The following PACS2 variants were observed in gnomAD, a reference collection of about 807,000 sequenced individuals.
The protein encoded by PACS2 is PACS1-like protein.
A neutral mutation model predicts 113.0 loss-of-function variants in PACS2; 36 were observed. That is an observed-to-expected ratio of 0.32 (90% CI 0.24 to 0.42). The LOEUF (loss-of-function observed/expected upper bound fraction) is 0.42. PACS2 is among the 10% of genes least tolerant of loss of function. The pLI, the probability that PACS2 is intolerant of heterozygous loss-of-function variation, is 1.00. For synonymous variants in PACS2, 589 were observed against 536.1 expected, an observed-to-expected ratio of 1.10 and a Z score of -1.36; for missense variants, 1,015 against 1,239.5, an observed-to-expected ratio of 0.82 and a Z score of 2.72.
In PACS2 at chr14:105,394,666, C is replaced by T. The variant is rs782250643; in HGVS notation, c.2709C>T (p.Thr903=). 23 of 1,607,522 alleles carry T rather than the reference C, an allele frequency of 1.4e-5. No homozygotes were observed. In the South Asian group the frequency reaches 2.4e-4, roughly 17 times the overall value. Residue 903 remains threonine (T), a synonymous_variant, in exon 25 of 25, where the codon ACC becomes ACT. Coordinates refer to ENST00000447393, the MANE Select transcript of PACS2 (RefSeq NM_001100913.3). Reference sequence around the variant, plus strand: ...GCATCTTCGGACACTCCAAGGCCACCTTCTAGCCCCACCCACCAGGGGGCC... The same window carrying T: ...GCATCTTCGGACACTCCAAGGCCACTTTCTAGCCCCACCCACCAGGGGGCC... ...PICIFGHSKA[T]F is the part of the protein sequence containing the mutation.
chr14:105,337,928 G>A (rs1555400871), intron 1 of PACS2, among the ~76,000 whole-genome samples: 1 of 152,214 alleles, frequency 6.6e-6, no homozygotes, highest in Non-Finnish European at 1.5e-5. Context: ...ACCCCCAGGG[G>A]CAGCAGCGTC....
chr14:105,373,039 G>T (rs2061214068), intron 8 of PACS2: 1 of 152,088 alleles, frequency 6.6e-6, no homozygotes, highest in Non-Finnish European at 1.5e-5. Flanking sequence ...AAATGAGTAA[G>T]ACTCATACAG....
chr14:105,362,416 CAA>C (rs1157752286), intron 4 of PACS2, among the ~76,000 whole-genome samples: 14 of 68,086 alleles, frequency 2.1e-4, no homozygotes, highest in Admixed American at 5.0e-4. Flanking sequence ...GACTCCGTCT[CAA>C]AAAAAAAAAA....
rs28697572 is a variant in PACS2, at chr14:105,356,827, T to G, written c.423+1650T>G. Among the ~76,000 whole-genome samples the G allele has an allele frequency of 7.6e-4, 104 of 136,522 alleles. No individual in the cohort carries two copies. The highest frequency in any genetic ancestry group is 2.2e-3 in the African/African-American group (76 of 34,604). The allele number at this position is 136,522 out of a possible 152,430, so 89.6% of individuals were successfully genotyped here. A position where few individuals can be genotyped will look rare whatever the true frequency, so the allele number is the denominator to read the frequency against. On this transcript the variant is annotated intron_variant, in intron 4 of 24. Coordinates refer to ENST00000447393, the MANE Select transcript of PACS2 (RefSeq NM_001100913.3). The surrounding 1 kb of genome is among the most constrained non-coding windows in gnomAD (Gnocchi z 4.0). Reference sequence around the variant, plus strand: ...TGTTTCCCATTAGCCATGCAGGCGATGTCCTGCTGATCCCTGCCGGTCCCT... The same window carrying G: ...TGTTTCCCATTAGCCATGCAGGCGAGGTCCTGCTGATCCCTGCCGGTCCCT...
At chr14:105,351,782 C>T (rs1446411846) in intron 2 of PACS2, among the ~76,000 whole-genome samples, 1 of 152,132 alleles carries the variant, frequency 6.6e-6, no homozygotes, top group Non-Finnish European at 1.5e-5. Context: ...GAGGTCAAGG[C>T]TGTAGTGAGT....
At chr14:105,350,947 A>C (rs1256851178) in intron 2 of PACS2, among the ~76,000 whole-genome samples, 1 of 152,208 alleles carries the variant, frequency 6.6e-6, no homozygotes, top group African/African-American at 2.4e-5. Context: ...AGGCCCCAGC[A>C]CAAGGGGAGG....
At chr14:105,359,783 G>A (rs2060606878) in intron 4 of PACS2, among the ~76,000 whole-genome samples, 1 of 151,950 alleles carries the variant, frequency 6.6e-6, no homozygotes, top group Non-Finnish European at 1.5e-5. Context: ...AGTAGAGACG[G>A]GGTTTCACCG....
chr14:105,348,457 C>T lies in PACS2; in HGVS notation c.120-36C>T, dbSNP rs201766551. On this transcript the variant is annotated intron_variant, in intron 1 of 24. Coordinates refer to ENST00000447393, the MANE Select transcript of PACS2 (RefSeq NM_001100913.3). This position sits in a 1 kb window ranked among gnomAD's most constrained non-coding sequence, Gnocchi z 6.4. ...ACAGGGCCGCGTCCTGAGGAGAGGG[C>T]GGAGCCCCGAGGCTGAGCTGTGCCT... 1.0e-3 allele frequency: 1,551 copies of T among 1,526,410 alleles called. 29 individuals carry two copies. The East Asian group carries it at 0.024, about 24-fold the overall frequency. The allele number at this position is 1,526,410 out of a possible 1,614,324, so 94.6% of individuals were successfully genotyped here.
At chr14:105,350,413 C>CT (rs1349694424) in intron 2 of PACS2, among the ~76,000 whole-genome samples, 1 of 152,224 alleles carries the variant, frequency 6.6e-6, no homozygotes, top group Non-Finnish European at 1.5e-5. Flanking sequence ...CTCTGCCTGT[C>CT]TCTGGTCCTG....
rs887817810 is a variant in PACS2, at chr14:105,354,873, C to T, written c.298-179C>T. Among the ~76,000 whole-genome samples, 13 of 152,180 alleles carry T rather than the reference C, an allele frequency of 8.5e-5. No homozygotes were observed. The highest frequency in any genetic ancestry group is 2.4e-4 in the African/African-American group (10 of 41,450). On this transcript the variant is annotated intron_variant, in intron 3 of 24. Coordinates refer to ENST00000447393, the MANE Select transcript of PACS2 (RefSeq NM_001100913.3). This position sits in a 1 kb window ranked among gnomAD's most constrained non-coding sequence, Gnocchi z 4.2. ...TTGATTGTGTTGGGTAAAGGATGGGCTCTGGGGACCGGCATGCCACTGGGA... is the reference window on the plus strand; with the variant it reads ...TTGATTGTGTTGGGTAAAGGATGGGTTCTGGGGACCGGCATGCCACTGGGA...
At chr14:105,341,434 G>A (rs1033532660) in intron 1 of PACS2, among the ~76,000 whole-genome samples, 2 of 152,206 alleles carry the variant, frequency 1.3e-5, no homozygotes, top group Admixed American at 6.5e-5. Flanking sequence ...ATATTGAGTT[G>A]TTTTTAAAAT....
At chr14:105,364,886 A>G (rs587663951) in intron 4 of PACS2, among the ~76,000 whole-genome samples, 11 of 152,012 alleles carry the variant, frequency 7.2e-5, no homozygotes, top group African/African-American at 1.9e-4. Context: ...TTGTAGAGAT[A>G]AGAGTTTCGC....
In PACS2 at chr14:105,340,963, G is replaced by A. The variant is rs1177087468; in HGVS notation, c.120-7530G>A. On this transcript the variant is annotated intron_variant, in intron 1 of 24. Coordinates refer to ENST00000447393, the MANE Select transcript of PACS2 (RefSeq NM_001100913.3). The surrounding 1 kb of genome is among the most constrained non-coding windows in gnomAD (Gnocchi z 4.2). Reference sequence around the variant, plus strand: ...TGGCCACGTAGCCGTCACCCAGCTAGCATGGGGAGGCTCGCTACCAAGGGG... The same window carrying A: ...TGGCCACGTAGCCGTCACCCAGCTAACATGGGGAGGCTCGCTACCAAGGGG... Among the ~76,000 whole-genome samples the A allele has an allele frequency of 6.6e-6, 1 of 152,272 alleles. No homozygotes were observed. Among genetic ancestry groups the A allele is most frequent in the Non-Finnish European group, 1.5e-5 (1 of 68,048 alleles).
Position 105,368,069 on chromosome 14 carries a change from C to A in PACS2, c.587-5C>A, listed in dbSNP as rs782238667. 6.2e-7 allele frequency: 1 copy of A among 1,600,334 alleles called. No individual in the cohort carries two copies. Among genetic ancestry groups the A allele is most frequent in the Non-Finnish European group, 8.6e-7 (1 of 1,167,900 alleles). On this transcript the variant is annotated splice_region_variant and splice_polypyrimidine_tract_variant and intron_variant, in intron 5 of 24. Transcript: ENST00000447393. Reference sequence around the variant, plus strand: ...CACCCTCCCTTCTGTCTGTTCATTCCGCAGATAACTACTCCGAGGAGGAGT... The same window carrying A: ...CACCCTCCCTTCTGTCTGTTCATTCAGCAGATAACTACTCCGAGGAGGAGT...
chr14:105,376,246 C>T lies in PACS2; in HGVS notation c.802-522C>T, dbSNP rs962181672. Among the ~76,000 whole-genome samples, 6 of 151,902 alleles carry T rather than the reference C, an allele frequency of 3.9e-5. No homozygotes were observed. In the South Asian group the frequency reaches 8.4e-4, roughly 21 times the overall value. ...ACACAGTGGAACATGAAGTGTGCCACGCTGGGTGGATGACGCCCTCCTCCC... is the reference window on the plus strand; with the variant it reads ...ACACAGTGGAACATGAAGTGTGCCATGCTGGGTGGATGACGCCCTCCTCCC... On this transcript the variant is annotated intron_variant, in intron 8 of 24. Transcript: ENST00000447393. This position sits in a 1 kb window ranked among gnomAD's most constrained non-coding sequence, Gnocchi z 4.7.
intron 1 of PACS2, among the ~76,000 whole-genome samples, chr14:105,328,552 G>A (rs941637290): frequency 6.6e-6 from 1 of 152,166 alleles, no homozygotes; most frequent in Admixed American, 6.5e-5. Flanking sequence ...CTCTGGGCTC[G>A]CCATCCTTGA....
chr14:105,349,314 C>T (rs1400509808), intron 2 of PACS2, among the ~76,000 whole-genome samples: 1 of 152,272 alleles, frequency 6.6e-6, no homozygotes, highest in Non-Finnish European at 1.5e-5. Flanking sequence ...GGGCAAGTCT[C>T]ACCCATGTCC....
intron 12 of PACS2, 88 bp from the exon 13 acceptor site, chr14:105,381,826 G>A (rs2141242859): frequency 3.2e-6 from 4 of 1,242,984 alleles, no homozygotes; most frequent in East Asian, 2.5e-5. Context: ...CCACCACAAT[G>A]TGTAGGCCAC....
In PACS2 at chr14:105,394,706, T is replaced by TGGGGCAG; in HGVS notation, c.*35_*36insGGGCAGG. 1 of 1,313,388 alleles carries TGGGGCAG rather than the reference T, an allele frequency of 7.6e-7. No homozygotes were observed. Among genetic ancestry groups the TGGGGCAG allele is most frequent in the Non-Finnish European group, 1.1e-6 (1 of 906,070 alleles). The allele number at this position is 1,313,388 out of a possible 1,614,324, so 81.4% of individuals were successfully genotyped here. A position where few individuals can be genotyped will look rare whatever the true frequency, so the allele number is the denominator to read the frequency against. On this transcript the variant is annotated 3_prime_UTR_variant, in exon 25 of 25. Transcript: ENST00000447393. Reference sequence around the variant, plus strand: ...ACCAGGGGGCCCACCTCCTGCCCCATGCTGTGAGGGGCCCAGCTGCATTTC... The same window carrying TGGGGCAG: ...ACCAGGGGGCCCACCTCCTGCCCCATGGGGCAGGCTGTGAGGGGCCCAGCTGCATTTC...
Sources: allele counts gnomAD v4.1 joint callset (sites outside exome capture counted in the v4.1 genomes callset), GRCh38; gene constraint gnomAD v4.1.1; non-coding constraint Gnocchi (gnomAD v3.1); transcripts MANE v1.5; gene names NCBI Gene and HGNC (gene_info 2026-07-23, HGNC 2026-07-21).